Variants in TENM4 observed in about 807,000 individuals in gnomAD.
TENM4 encodes the protein teneurin transmembrane protein 4.
In TENM4, 82 loss-of-function variants were observed where a neutral mutation model predicts 243.3. The ratio of observed to expected loss-of-function variants is 0.34; its 90% CI spans 0.28 to 0.40. TENM4 has a LOEUF of 0.40. Among genes scored for constraint, TENM4 ranks in the 10% least tolerant of loss-of-function variants. The pLI is 1.00. For missense variants in TENM4, 3,138 were observed against 3,673.3 expected, an observed-to-expected ratio of 0.85 and a Z score of 3.77; for synonymous variants, 1,412 against 1,456.3, an observed-to-expected ratio of 0.97 and a Z score of 0.69.
chr11:78,668,797 C>T (rs1263942090), intron 32 of TENM4, 140 bp downstream of exon 32: 34 of 1,109,440 alleles, frequency 3.1e-5, no homozygotes, highest in Middle Eastern at 6.1e-4. Flanking sequence ...TTTCTTCAAA[C>T]GGACTTTGGA....
rs1449247844 is a variant in TENM4, at chr11:78,661,453, C to T, written c.7547G>A (p.Ser2516Asn). 4 of 1,607,976 alleles carry T rather than the reference C, an allele frequency of 2.5e-6. No individual in the cohort carries two copies. Among genetic ancestry groups the T allele is most frequent in the Non-Finnish European group, 1.7e-6 (2 of 1,177,402 alleles). ...GCAGCCTTGTGCAGGAATTACCTTGCTGTTGTCCCACTCCTGCGTTTTCAT... is the reference window on the plus strand; with the variant it reads ...GCAGCCTTGTGCAGGAATTACCTTGTTGTTGTCCCACTCCTGCGTTTTCAT... ...TQMKTQEWDN[S>N]KSILGVQCEV... Residue 2516 changes from serine to asparagine, a missense_variant, in exon 33 of 34, where the codon AGC becomes AAC. Ser to Asn is a conservative substitution (Grantham distance 46). Around this residue, in one of 2 missense-constraint regions of TENM4, gnomAD observed 2,467 missense variants for 3,059.1 expected, o/e 0.81. Transcript: ENST00000278550.
chr11:78,898,841 GAA>G (rs1257741313), intron 7 of TENM4, among the ~76,000 whole-genome samples: 1 of 152,214 alleles, frequency 6.6e-6, no homozygotes, highest in East Asian at 1.9e-4. Flanking sequence ...TCTGTTCTCT[GAA>G]ATGTCTTACC....
chr11:78,698,351 C>T (rs975547737), intron 28 of TENM4, among the ~76,000 whole-genome samples: 2 of 152,178 alleles, frequency 1.3e-5, no homozygotes, highest in African/African-American at 4.8e-5. Flanking sequence ...CGCACCATTG[C>T]ACTCCAGCCT....
intron 6 of TENM4, among the ~76,000 whole-genome samples, chr11:78,990,652 G>C (rs1858021172): frequency 6.6e-6 from 1 of 152,142 alleles, no homozygotes; most frequent in Non-Finnish European, 1.5e-5. Context: ...ACACAGATAG[G>C]AGTCTGTATA....
intron 2 of TENM4, among the ~76,000 whole-genome samples, chr11:79,221,447 A>C (rs1389090290): frequency 6.6e-6 from 1 of 151,206 alleles, no homozygotes; most frequent in Non-Finnish European, 1.5e-5. Context: ...CAATTTTCAC[A>C]TTAAAAAGGG....
At chr11:78,933,568 A>G (rs1013945214) in intron 6 of TENM4, among the ~76,000 whole-genome samples, 1 of 152,208 alleles carries the variant, frequency 6.6e-6, no homozygotes, top group African/African-American at 2.4e-5. Flanking sequence ...TCAAACACCC[A>G]GCCACGTTAA....
rs551414771 is a variant in TENM4 at position 78,659,015 on chromosome 11, C to G, written c.7552-199G>C. ...CTGCTGACCTTCATCCATCCATCCA[C>G]CCACCCTTCCATTTAGAAACTGTTC... On this transcript the variant is annotated intron_variant, in intron 33 of 33. Coordinates refer to ENST00000278550, the MANE Select transcript of TENM4 (RefSeq NM_001098816.3). Among the ~76,000 whole-genome samples the G allele has an allele frequency of 2.4e-3, 364 of 152,302 alleles. 2 individuals are homozygous for G. Among genetic ancestry groups the G allele is most frequent in the Admixed American group, 6.1e-3 (94 of 15,304 alleles).
At chr11:79,344,268 G>A (rs1309964887) in intron 1 of TENM4, among the ~76,000 whole-genome samples, 1 of 152,188 alleles carries the variant, frequency 6.6e-6, no homozygotes, top group Admixed American at 6.5e-5. Context: ...GGTGGCAGAG[G>A]GGGTGCTCAA....
At chr11:79,058,883 AGAT>A (rs2136963753) in intron 6 of TENM4, among the ~76,000 whole-genome samples, 1 of 152,302 alleles carries the variant, frequency 6.6e-6, no homozygotes, top group South Asian at 2.1e-4. Context: ...CCATTCTAGA[AGAT>A]GGTGTCCCAT....
Position 79,063,457 on chromosome 11 carries a change from G to C in TENM4, c.493+1281C>G, listed in dbSNP as rs111964757. On this transcript the variant is annotated intron_variant, in intron 6 of 33. Coordinates refer to ENST00000278550, the MANE Select transcript of TENM4 (RefSeq NM_001098816.3). ...TCCCCTTACCCTTTTGCTGGCTGTC[G>C]TGCGGAAGCACCAGCAGGCCTCCTC... Among the ~76,000 whole-genome samples, 464 of 145,880 alleles carry C rather than the reference G, an allele frequency of 3.2e-3. 4 individuals are homozygous for C. Among genetic ancestry groups the C allele is most frequent in the Middle Eastern group, 0.011 (3 of 276 alleles).
intron 2 of TENM4, among the ~76,000 whole-genome samples, chr11:79,259,893 A>G (rs1855767879): frequency 1.3e-5 from 2 of 152,224 alleles, no homozygotes; most frequent in African/African-American, 4.8e-5. Flanking sequence ...CTTGCTGACA[A>G]GATCCCTGGG....
At chr11:79,214,880 C>G (rs1429352380) in intron 3 of TENM4, among the ~76,000 whole-genome samples, 1 of 152,240 alleles carries the variant, frequency 6.6e-6, no homozygotes, top group African/African-American at 2.4e-5. Flanking sequence ...TAGAGCAAAG[C>G]TTTCTACCAA....
chr11:78,898,195 G>C lies in TENM4; in HGVS notation c.749+5073C>G, dbSNP rs765282493. Reference sequence around the variant, plus strand: ...ACAGGTAGGCCCAGGCTCCTCAATGGGGGACTCAGTTAACATTGGAGACTG... The same window carrying C: ...ACAGGTAGGCCCAGGCTCCTCAATGCGGGACTCAGTTAACATTGGAGACTG... On this transcript the variant is annotated intron_variant, in intron 7 of 33. Coordinates refer to ENST00000278550, the MANE Select transcript of TENM4 (RefSeq NM_001098816.3). 6.8e-4 allele frequency among the ~76,000 whole-genome samples: 104 copies of C among 152,270 alleles called. 1 individual carries two copies. The highest frequency in any genetic ancestry group is 1.4e-3 in the Non-Finnish European group (92 of 68,016).
intron 15 of TENM4, among the ~76,000 whole-genome samples, chr11:78,789,056 T>C (rs1437272902): frequency 6.6e-6 from 1 of 152,074 alleles, no homozygotes; most frequent in Non-Finnish European, 1.5e-5. Flanking sequence ...TGTCTTATCA[T>C]CAGACTAGGA....
chr11:79,267,259 C>G (rs78634447), intron 2 of TENM4, among the ~76,000 whole-genome samples: 1 of 152,190 alleles, frequency 6.6e-6, no homozygotes, highest in Non-Finnish European at 1.5e-5. Context: ...CATACTTGGC[C>G]TATTGCAAAG....
At chr11:78,876,820 G>A (rs548177807) in intron 9 of TENM4, among the ~76,000 whole-genome samples, 65 of 152,308 alleles carry the variant, frequency 4.3e-4, no homozygotes, top group African/African-American at 1.5e-3. Flanking sequence ...ATTTGGGGAA[G>A]CTCCTTCTGC....
intron 15 of TENM4, among the ~76,000 whole-genome samples, chr11:78,790,552 G>T (rs1468229542): frequency 6.6e-6 from 1 of 152,206 alleles, no homozygotes; most frequent in Non-Finnish European, 1.5e-5. Context: ...GAAAATGCCT[G>T]GCTATTATCC....
intron 6 of TENM4, among the ~76,000 whole-genome samples, chr11:79,045,926 G>T (rs866056240): frequency 2.0e-5 from 3 of 152,268 alleles, no homozygotes; most frequent in Middle Eastern, 6.8e-3. Flanking sequence ...TTGCTCACGT[G>T]TTCCCCAGTC....
Position 79,169,488 on chromosome 11 carries a change from C to A in TENM4, c.-162-20682G>T, listed in dbSNP as rs143360998. On this transcript the variant is annotated intron_variant, in intron 3 of 33. Transcript: ENST00000278550. The stretch of plus-strand genomic sequence containing the variant: ...AGGTCTTGGAATCCTTCCTCTTCCC[C>A]CAAGCTGCCTCTTTAACTAGCACAT... 6.1e-4 allele frequency among the ~76,000 whole-genome samples: 93 copies of A among 152,260 alleles called. 1 individual carries two copies. The East Asian group carries it at 0.016, about 26-fold the overall frequency.
Sources: gnomAD v4.1 joint callset for allele counts (sites outside exome capture counted in the v4.1 genomes callset) on GRCh38, gnomAD v4.1.1 for gene constraint, gnomAD v4.1.1 regional missense constraint, MANE v1.5 for transcripts, NCBI Gene and HGNC (gene_info 2026-07-23, HGNC 2026-07-21) for gene names.